The following MARCHF1 variants were observed in gnomAD, a reference collection of about 807,000 sequenced individuals.
MARCHF1 encodes membrane associated ring-CH-type finger 1.
Under a neutral mutation model 54.2 loss-of-function variants are expected in MARCHF1, and 40 were observed. That is an observed-to-expected ratio of 0.74 (90% CI 0.57 to 0.96). MARCHF1 has a LOEUF of 0.96. MARCHF1 is among the 40% of genes least tolerant of loss of function. MARCHF1 has a pLI of 0.00. For synonymous variants in MARCHF1, 236 were observed against 236.3 expected (o/e 1.00, Z 0.01); for missense variants, 586 against 656.5 (o/e 0.89, Z 1.17).
intron 4 of MARCHF1, among the ~76,000 whole-genome samples, chr4:163,828,187 T>C (rs182247146): frequency 2.0e-5 from 3 of 152,300 alleles, no homozygotes; most frequent in Admixed American, 2.0e-4. Context: ...GTATCTTGAA[T>C]GACACTATTA....
chr4:164,231,826 G>T (rs1454463992), intron 1 of MARCHF1, among the ~76,000 whole-genome samples: 4 of 151,954 alleles, frequency 2.6e-5, no homozygotes, highest in African/African-American at 9.7e-5. Flanking sequence ...AATAAATTCT[G>T]ACAGAAAAAT....
chr4:163,705,615 A>G (rs898275297), intron 4 of MARCHF1, among the ~76,000 whole-genome samples: 1 of 152,036 alleles, frequency 6.6e-6, no homozygotes, highest in Non-Finnish European at 1.5e-5. Flanking sequence ...AAGATATTTG[A>G]CAAACTTTGG....
At chr4:164,290,620 C>G (rs972451225) in intron 1 of MARCHF1, among the ~76,000 whole-genome samples, 1 of 151,810 alleles carries the variant, frequency 6.6e-6, no homozygotes, top group African/African-American at 2.4e-5. Context: ...GCTAATAATG[C>G]ATTAAGTGGG....
Position 163,545,749 on chromosome 4 carries a change from A to C in MARCHF1, c.1192-6T>G. On this transcript the variant is annotated splice_polypyrimidine_tract_variant and splice_region_variant and intron_variant, in intron 8 of 9. Transcript: ENST00000514618. ...GTCATCTGTAGTTTCTCCCACTGCA[A>C]TCAGAAATGAAGGACACAAAACTGA... is the stretch of plus-strand genomic sequence containing the variant. 6.2e-7 allele frequency: 1 copy of C among 1,612,658 alleles called. No homozygotes were observed.
chr4:163,766,619 A>G (rs937324500), intron 4 of MARCHF1, among the ~76,000 whole-genome samples: 16 of 152,210 alleles, frequency 1.1e-4, no homozygotes, highest in African/African-American at 3.1e-4. Flanking sequence ...TTCACAAATA[A>G]GGGAGAAGTA....
chr4:164,285,184 CTG>C (rs1453353993), intron 1 of MARCHF1, among the ~76,000 whole-genome samples: 1 of 152,094 alleles, frequency 6.6e-6, no homozygotes, highest in East Asian at 1.9e-4. Context: ...TCACTGGACA[CTG>C]TTATTTTCAA....
At chr4:164,256,538 T>C (rs761155410) in intron 1 of MARCHF1, among the ~76,000 whole-genome samples, 18 of 151,158 alleles carry the variant, frequency 1.2e-4, no homozygotes, top group Admixed American at 2.6e-4. Flanking sequence ...AAAGAATTAA[T>C]TGAATAGACA....
At chr4:164,011,700 A>G (rs777192254) in intron 2 of MARCHF1, among the ~76,000 whole-genome samples, 1 of 152,234 alleles carries the variant, frequency 6.6e-6, no homozygotes, top group Non-Finnish European at 1.5e-5. Context: ...CAGCTATTAC[A>G]GAGTCAGTAT....
intron 1 of MARCHF1, among the ~76,000 whole-genome samples, chr4:164,235,350 T>TATAA (rs1421998288): frequency 8.5e-5 from 13 of 152,146 alleles, no homozygotes; most frequent in African/African-American, 3.1e-4. Flanking sequence ...TCTGAAGTAT[T>TATAA]AGATCCATTA....
chr4:163,884,685 T>A (rs1304921983), intron 3 of MARCHF1, among the ~76,000 whole-genome samples: 1 of 152,184 alleles, frequency 6.6e-6, no homozygotes, highest in African/African-American at 2.4e-5. Context: ...ACACATTCAA[T>A]GAGATCTCTT....
At chr4:164,293,005 C>G (rs1019264200) in intron 1 of MARCHF1, among the ~76,000 whole-genome samples, 58 of 152,074 alleles carry the variant, frequency 3.8e-4, no homozygotes, top group Non-Finnish European at 8.8e-5. Context: ...TTTAACAACA[C>G]CCATGAAAGT....
In MARCHF1 at chr4:163,877,863, C is replaced by T. The variant is rs541269522; in HGVS notation, c.-38-23694G>A. On this transcript the variant is annotated intron_variant, in intron 3 of 9. Coordinates refer to ENST00000514618, the MANE Select transcript of MARCHF1 (RefSeq NM_001394959.1). ...CGAGTAATGTCTGCTGAACACCCTCCAATGACTTGGTTACACTCAGAATGA... is the reference window on the plus strand; with the variant it reads ...CGAGTAATGTCTGCTGAACACCCTCTAATGACTTGGTTACACTCAGAATGA... 4.6e-5 allele frequency among the ~76,000 whole-genome samples: 7 copies of T among 152,250 alleles called. No individual in the cohort carries two copies. In the East Asian group the frequency reaches 1.4e-3, roughly 29 times the overall value.
intron 4 of MARCHF1, among the ~76,000 whole-genome samples, chr4:163,814,499 G>A (rs1050781238): frequency 2.6e-5 from 4 of 152,134 alleles, no homozygotes; most frequent in Non-Finnish European, 4.4e-5. Context: ...CAGGAGTATC[G>A]CCTGAACCCA....
chr4:163,576,398 A>G (rs1740037467), intron 8 of MARCHF1, among the ~76,000 whole-genome samples: 1 of 152,086 alleles, frequency 6.6e-6, no homozygotes, highest in South Asian at 2.1e-4. Flanking sequence ...CCATGGTTCA[A>G]TAGTACGGTT....
In MARCHF1 at chr4:163,528,669, T is replaced by G. The variant is rs1738231091; in HGVS notation, c.*79A>C. 1 of 1,413,940 alleles carries G rather than the reference T, an allele frequency of 7.1e-7. No individual in the cohort carries two copies. The highest frequency in any genetic ancestry group is 9.6e-7 in the Non-Finnish European group (1 of 1,039,522). 87.6% of individuals were successfully genotyped at this position (1,413,940 alleles called of 1,614,324 possible). A position where few individuals can be genotyped will look rare whatever the true frequency, so the allele number is the denominator to read the frequency against. On this transcript the variant is annotated 3_prime_UTR_variant, in exon 10 of 10. Coordinates refer to ENST00000514618, the MANE Select transcript of MARCHF1 (RefSeq NM_001394959.1). ...AGGAGGAGCTGAAGGGAGTAAATAA[T>G]TCAAGATCACTTCTGTCATTTGTAG...
At chr4:163,637,076 A>T (rs1482112692) in intron 5 of MARCHF1, among the ~76,000 whole-genome samples, 1 of 151,104 alleles carries the variant, frequency 6.6e-6, no homozygotes, top group Non-Finnish European at 1.5e-5. Flanking sequence ...CCTTCCTTAC[A>T]CCTTATACAA....
intron 1 of MARCHF1, among the ~76,000 whole-genome samples, chr4:164,352,041 C>T (rs1459745023): frequency 3.1e-5 from 4 of 129,318 alleles, no homozygotes; most frequent in African/African-American, 5.4e-5. Context: ...TGAAATGAAG[C>T]GAGAAGGGAA....
chr4:163,971,161 CA>C (rs11287429), intron 3 of MARCHF1, among the ~76,000 whole-genome samples: 148,767 of 152,256 alleles, frequency 0.98, 72,777 homozygotes, highest in East Asian at 1. Context: ...TAGGAGTAAA[CA>C]AGAGTAGGCA....
chr4:163,868,360 G>A (rs1305220474), intron 3 of MARCHF1, among the ~76,000 whole-genome samples: 1 of 151,880 alleles, frequency 6.6e-6, no homozygotes, highest in Non-Finnish European at 1.5e-5. Context: ...CATACAGAGA[G>A]AAGTTCATTT....
Sources: gnomAD v4.1 joint callset for allele counts (sites outside exome capture counted in the v4.1 genomes callset) on GRCh38, gnomAD v4.1.1 for gene constraint, MANE v1.5 for transcripts, NCBI Gene and HGNC (gene_info 2026-07-23, HGNC 2026-07-21) for gene names.